The following TRIP12 variants were observed in gnomAD, a reference collection of about 807,000 sequenced individuals.
TRIP12 encodes E3 ubiquitin-protein ligase TRIP12.
TRIP12 carries 25 observed loss-of-function variants against 244.2 expected under a neutral mutation model. The observed-to-expected ratio is 0.10, with a 90% confidence interval of 0.07 to 0.14. TRIP12 has a LOEUF of 0.14. Among genes scored for constraint, TRIP12 ranks in the 10% least tolerant of loss-of-function variants. The probability of loss-of-function intolerance (pLI) is 1.00; values close to 1 mark genes in which losing one functional copy is unlikely to be tolerated. For synonymous variants in TRIP12, 905 were observed against 873.1 expected (o/e 1.04, Z -0.64); for missense variants, 1,677 against 2,486.4 (o/e 0.67, Z 6.92).
chr2:229,831,885 GGGTTTTTTTTT>G (rs2053508995), intron 6 of TRIP12, among the ~76,000 whole-genome samples: 1 of 90,260 alleles, frequency 1.1e-5, no homozygotes. Context: ...TTTGTTTTTT[GGGTTTTTTTTT>G]TTTTTTAACA....
chr2:229,790,921 A>C (rs1427293508), intron 30 of TRIP12, among the ~76,000 whole-genome samples: 1 of 152,218 alleles, frequency 6.6e-6, no homozygotes, highest in Middle Eastern at 3.2e-3. Flanking sequence ...TTTCCTTCCC[A>C]ATTTAATTTT....
intron 8 of TRIP12, 45 bp from the exon 9 acceptor site, chr2:229,818,557 T>A: frequency 2.6e-6 from 4 of 1,555,652 alleles, no homozygotes. Flanking sequence ...TTTAAGAAAA[T>A]TATTACTAGG....
chr2:229,831,289 T>C, intron 6 of TRIP12: 1 of 613,902 alleles, frequency 1.6e-6, no homozygotes, highest in Non-Finnish European at 2.9e-6. Context: ...GTCTGCTTTA[T>C]TTCCGGACTA....
At position 229,869,316 on chromosome 2, in the gene TRIP12, C is replaced by T. The variant is rs373851061; in HGVS notation, c.99-8785G>A. ...AACAAATATCCTTTTCTAACCCATA[C>T]TAGTAATTGTTGAACACCTACCACT... On this transcript the variant is annotated intron_variant, in intron 2 of 41. Transcript: ENST00000675903. Among the ~76,000 whole-genome samples the T allele has an allele frequency of 3.0e-4, 46 of 152,322 alleles. 1 individual carries two copies. Among genetic ancestry groups the T allele is most frequent in the African/African-American group, 1.1e-3 (46 of 41,582 alleles).
intron 4 of TRIP12, among the ~76,000 whole-genome samples, chr2:229,853,316 T>C (rs1021004956): frequency 2.0e-5 from 3 of 149,220 alleles, no homozygotes; most frequent in Non-Finnish European, 4.4e-5. Context: ...CAGAAGCCCA[T>C]CTCTCAACTT....
At chr2:229,861,911 A>G (rs1437653753) in intron 2 of TRIP12, among the ~76,000 whole-genome samples, 1 of 152,220 alleles carries the variant, frequency 6.6e-6, no homozygotes, top group Non-Finnish European at 1.5e-5. Flanking sequence ...ACAAAACTCT[A>G]GGTGAGCCTT....
At position 229,811,030 on chromosome 2, in the gene TRIP12, C is replaced by A. The variant is rs1305168076; in HGVS notation, c.2071G>T (p.Val691Phe). ...FQHEENLLQQ[V>F]ASKDLLTNVQ... ...TTTGTAAGCAGATCTTTGGAAGCAA[C>A]CTGCTGGAGTAAATTCTTCACAAAC... The change falls in exon 15 of 42, where the codon GTT (valine) becomes TTT (phenylalanine). Residue 691 changes from valine to phenylalanine, a missense_variant. Transcript: ENST00000675903. 8.1e-6 allele frequency: 13 copies of A among 1,613,744 alleles called. 1 individual carries two copies. The highest frequency in any genetic ancestry group is 1.6e-4 in the Middle Eastern group (1 of 6,080).
In TRIP12 at chr2:229,797,619, G is replaced by A; in HGVS notation, c.3624+71C>T. ...AATCCATAGGAAGCTAGAGAGTCATGAAGGAAAAGAGTAGCAGGAGATGCT... is the reference window on the plus strand; with the variant it reads ...AATCCATAGGAAGCTAGAGAGTCATAAAGGAAAAGAGTAGCAGGAGATGCT... On this transcript the variant is annotated intron_variant, in intron 24 of 41. Transcript: ENST00000675903. The A allele has an allele frequency of 4.5e-6, 7 of 1,570,520 alleles. No homozygotes were observed. In the South Asian group the frequency reaches 7.2e-5, roughly 16 times the overall value.
At chr2:229,791,514 G>A (rs1395884973) in intron 29 of TRIP12, among the ~76,000 whole-genome samples, 1 of 152,186 alleles carries the variant, frequency 6.6e-6, no homozygotes, top group Non-Finnish European at 1.5e-5. Flanking sequence ...CACAGACAAT[G>A]CAGGAAGCTG....
At chr2:229,878,321 G>A (rs929669679) in intron 2 of TRIP12, among the ~76,000 whole-genome samples, 6 of 151,720 alleles carry the variant, frequency 4.0e-5, no homozygotes, top group Admixed American at 6.6e-5. Flanking sequence ...GTGATGATGC[G>A]TGCCTGAAAT....
chr2:229,888,245 G>C (rs2066475941), intron 1 of TRIP12, among the ~76,000 whole-genome samples: 1 of 152,120 alleles, frequency 6.6e-6, no homozygotes, highest in African/African-American at 2.4e-5. Context: ...TATCCAGGTA[G>C]AGTTTCAATA....
rs369063548 is a variant in TRIP12 at position 229,852,640 on chromosome 2, C to T, written c.1027+6132G>A. Among the ~76,000 whole-genome samples, 7 of 152,210 alleles carry T rather than the reference C, an allele frequency of 4.6e-5. No homozygotes were observed. In the East Asian group the frequency reaches 1.4e-3, roughly 29 times the overall value. ...TTCTGGGGTACTCAGGAGACTTTTACCAAGTAACACAGAATGACCTTTGTC... is the reference window on the plus strand; with the variant it reads ...TTCTGGGGTACTCAGGAGACTTTTATCAAGTAACACAGAATGACCTTTGTC... On this transcript the variant is annotated intron_variant, in intron 4 of 41. Coordinates refer to ENST00000675903, the MANE Select transcript of TRIP12 (RefSeq NM_001348323.3).
chr2:229,858,130 G>A (rs112332360), intron 4 of TRIP12, among the ~76,000 whole-genome samples: 10 of 152,250 alleles, frequency 6.6e-5, no homozygotes, highest in African/African-American at 1.7e-4. Context: ...TTGGGAGGCC[G>A]AGGTGAGCAG....
chr2:229,765,472 T>G lies in TRIP12; in HGVS notation c.*2082A>C, dbSNP rs958035341. The G allele has an allele frequency of 3.9e-5, 6 of 152,202 alleles. No individual in the cohort carries two copies. The allele number at this position is 152,202 out of a possible 1,614,324, so 9.4% of individuals were successfully genotyped here. A position where few individuals can be genotyped will look rare whatever the true frequency, so the allele number is the denominator to read the frequency against. On this transcript the variant is annotated 3_prime_UTR_variant, in exon 42 of 42. Coordinates refer to ENST00000675903, the MANE Select transcript of TRIP12 (RefSeq NM_001348323.3). ...CTAAAGGCTGAGGCTTTTAAACAGG[T>G]AACGACTGACTTTGAAACACTCAAG... is the stretch of plus-strand genomic sequence containing the variant.
At chr2:229,879,765 T>C (rs544661682) in intron 2 of TRIP12, among the ~76,000 whole-genome samples, 2 of 152,324 alleles carry the variant, frequency 1.3e-5, no homozygotes, top group South Asian at 4.1e-4. Flanking sequence ...TGTCTGATCA[T>C]GTCAGTGGCT....
intron 21 of TRIP12, among the ~76,000 whole-genome samples, chr2:229,801,367 C>T (rs771964633): frequency 7.9e-5 from 12 of 152,230 alleles, no homozygotes; most frequent in Non-Finnish European, 1.6e-4. Flanking sequence ...CCAAATTCCC[C>T]TCATCCCCTC....
At chr2:229,878,866 G>A (rs1474750244) in intron 2 of TRIP12, among the ~76,000 whole-genome samples, 2 of 151,974 alleles carry the variant, frequency 1.3e-5, no homozygotes. Context: ...ACAGGTGTGA[G>A]CCACCGCGCC....
At position 229,764,573 on chromosome 2, in the gene TRIP12, C is replaced by T. The variant is rs1430422699; in HGVS notation, c.*2981G>A. The T allele has an allele frequency of 6.6e-6, 1 of 152,152 alleles. No individual in the cohort carries two copies. Among genetic ancestry groups the T allele is most frequent in the East Asian group, 1.9e-4 (1 of 5,196 alleles). The allele number at this position is 152,152 out of a possible 1,614,324, so 9.4% of individuals were successfully genotyped here. On this transcript the variant is annotated 3_prime_UTR_variant, in exon 42 of 42. Coordinates refer to ENST00000675903, the MANE Select transcript of TRIP12 (RefSeq NM_001348323.3). ...TGAGCTCACGCTCACAGACAGGAGTCGAGAGTACAGCTGCAGCACCTGCTA... is the reference window on the plus strand; with the variant it reads ...TGAGCTCACGCTCACAGACAGGAGTTGAGAGTACAGCTGCAGCACCTGCTA...
intron 13 of TRIP12, among the ~76,000 whole-genome samples, chr2:229,813,414 G>A (rs1420719469): frequency 6.6e-6 from 1 of 151,954 alleles, no homozygotes; most frequent in African/African-American, 2.4e-5. Context: ...GCACATAACT[G>A]GATAAAAATA....
Sources: gnomAD v4.1 joint callset for allele counts (sites outside exome capture counted in the v4.1 genomes callset) on GRCh38, gnomAD v4.1.1 for gene constraint, MANE v1.5 for transcripts, NCBI Gene and HGNC (gene_info 2026-07-23, HGNC 2026-07-21) for gene names.